The following ATP7B variants were observed in gnomAD, a reference collection of about 807,000 sequenced individuals.
ATP7B encodes the protein copper-transporting ATPase 2.
A neutral mutation model predicts 118.9 loss-of-function variants in ATP7B; 113 were observed. That is an observed-to-expected ratio of 0.95 (90% CI 0.82 to 1.11). The LOEUF is 1.11. Ranked by LOEUF, ATP7B falls within the 50% of genes most tolerant of loss-of-function variation. The probability of loss-of-function intolerance (pLI) is 0.00; values close to 1 mark genes in which losing one functional copy is unlikely to be tolerated. For synonymous variants in ATP7B, 777 were observed against 727.4 expected (o/e 1.07, Z -1.10); for missense variants, 1,867 against 1,871.4 (o/e 1.00, Z 0.04).
chr13:52,003,499 T>A (rs9526821), intron 1 of ATP7B, among the ~76,000 whole-genome samples: 3 of 151,972 alleles, frequency 2.0e-5, no homozygotes, highest in Non-Finnish European at 2.9e-5. Context: ...GTAACAGATA[T>A]AATAATAATG....
chr13:51,935,769 T>G (rs1956922780), intron 19 of ATP7B, 74 bp from the exon 20 acceptor site: 1 of 1,372,436 alleles, frequency 7.3e-7, no homozygotes, highest in Non-Finnish European at 1.0e-6. Context: ...GGCACCGGGC[T>G]GCCCCACCCT....
intron 9 of ATP7B, among the ~76,000 whole-genome samples, chr13:51,955,544 G>A (rs1000017968): frequency 6.6e-6 from 1 of 152,180 alleles, no homozygotes; most frequent in African/African-American, 2.4e-5. Flanking sequence ...GTTATGACAG[G>A]TGCTGCACGC....
chr13:51,960,391 C>T, intron 6 of ATP7B, 69 bp from the exon 7 acceptor site: 1 of 1,558,604 alleles, frequency 6.4e-7, no homozygotes, highest in Non-Finnish European at 8.7e-7. Context: ...AGCCACTCCC[C>T]TTCTGAGGAC....
In ATP7B at chr13:51,933,652, G is replaced by T. The variant is rs779530224; in HGVS notation, c.*1104C>A. 1 of 152,210 alleles carries T rather than the reference G, an allele frequency of 6.6e-6. No individual in the cohort carries two copies. Among genetic ancestry groups the T allele is most frequent in the East Asian group, 1.9e-4 (1 of 5,194 alleles). 9.4% of individuals were successfully genotyped at this position (152,210 alleles called of 1,614,324 possible). On this transcript the variant is annotated 3_prime_UTR_variant, in exon 21 of 21. Coordinates refer to ENST00000242839, the MANE Select transcript of ATP7B (RefSeq NM_000053.4). ...CCCCTGGGCAGCGTGCAGAATGCAGGCTCAGGGAGGCTGTGTTTTCCTCCT... is the reference window on the plus strand; with the variant it reads ...CCCCTGGGCAGCGTGCAGAATGCAGTCTCAGGGAGGCTGTGTTTTCCTCCT...
At chr13:52,007,499 C>T (rs890627901) in intron 1 of ATP7B, among the ~76,000 whole-genome samples, 1 of 152,254 alleles carries the variant, frequency 6.6e-6, no homozygotes, top group African/African-American at 2.4e-5. Flanking sequence ...CAAACTCTAA[C>T]ATCATGTCTT....
At chr13:51,992,341 G>A (rs1359011262) in intron 1 of ATP7B, among the ~76,000 whole-genome samples, 1 of 152,116 alleles carries the variant, frequency 6.6e-6, no homozygotes, top group African/African-American at 2.4e-5. Flanking sequence ...GTGTTCCAAT[G>A]GAAAAGCAAG....
chr13:51,972,539 C>T (rs11839458), intron 2 of ATP7B, among the ~76,000 whole-genome samples: 3,755 of 152,302 alleles, frequency 0.025, 119 homozygotes, highest in Admixed American at 0.09. Context: ...TCACACACCC[C>T]TCTTGGTGAC....
chr13:51,981,719 G>A (rs1207264449), intron 1 of ATP7B, among the ~76,000 whole-genome samples: 1 of 152,058 alleles, frequency 6.6e-6, no homozygotes, highest in African/African-American at 2.4e-5. Flanking sequence ...AGTATACAGG[G>A]GGATAAACGT....
chr13:51,950,298 G>T lies in ATP7B; in HGVS notation c.2549C>A (p.Thr850Asn), dbSNP rs777629392. ...TGTGATGAGGGACTCATCAGCCATGGTATTGCCTTCCAGGACTTTCCCATC... is the reference window on the plus strand; with the variant it reads ...TGTGATGAGGGACTCATCAGCCATGTTATTGCCTTCCAGGACTTTCCCATC... ...PVDGKVLEGN[T>N]MADESLITGE... is the part of the protein sequence containing the mutation. Residue 850 changes from threonine to asparagine, a missense_variant, in exon 10 of 21, where the codon ACC (threonine) becomes AAC (asparagine). Coordinates refer to ENST00000242839, the MANE Select transcript of ATP7B (RefSeq NM_000053.4). 6.2e-7 allele frequency: 1 copy of T among 1,614,142 alleles called. No homozygotes were observed. The highest frequency in any genetic ancestry group is 1.1e-5 in the South Asian group (1 of 91,084).
At chr13:51,994,325 T>G (rs974492416) in intron 1 of ATP7B, among the ~76,000 whole-genome samples, 1 of 152,148 alleles carries the variant, frequency 6.6e-6, no homozygotes, top group African/African-American at 2.4e-5. Flanking sequence ...ATCTATCACC[T>G]CACTTCCCTC....
intron 2 of ATP7B, among the ~76,000 whole-genome samples, chr13:51,971,832 T>C (rs560184293): frequency 1.3e-5 from 2 of 152,356 alleles, no homozygotes; most frequent in Admixed American, 6.5e-5. Flanking sequence ...ACACAAACTT[T>C]ATCTCAGTGA....
Position 51,964,392 on chromosome 13 carries a change from A to G in ATP7B, c.1869+480T>C, listed in dbSNP as rs1593749878. ...ACAAACTGGGAAGGGAGTAAGAGGC[A>G]GGGCACGCATGAAAATTCTCACGGA... On this transcript the variant is annotated intron_variant, in intron 5 of 20. Coordinates refer to ENST00000242839, the MANE Select transcript of ATP7B (RefSeq NM_000053.4). Among the ~76,000 whole-genome samples, 3 of 152,348 alleles carry G rather than the reference A, an allele frequency of 2.0e-5. No homozygotes were observed. The South Asian group carries it at 6.2e-4, about 32-fold the overall frequency.
intron 6 of ATP7B, among the ~76,000 whole-genome samples, chr13:51,960,704 C>T (rs1306974493): frequency 6.6e-6 from 1 of 151,990 alleles, no homozygotes; most frequent in Non-Finnish European, 1.5e-5. Flanking sequence ...TATACAGACC[C>T]CCAAAGAAAA....
chr13:51,960,397 A>G, intron 6 of ATP7B, 75 bp from the exon 7 acceptor site: 4 of 1,551,792 alleles, frequency 2.6e-6, no homozygotes, highest in Middle Eastern at 4.6e-4. Context: ...TCCCCTTCTG[A>G]GGACACAGTT....
intron 8 of ATP7B, 190 bp downstream of exon 8, chr13:51,958,121 C>T: frequency 1.5e-6 from 1 of 656,128 alleles, no homozygotes; most frequent in East Asian, 2.8e-5. Context: ...ACCAGATTAG[C>T]TGGGATTTCA....
chr13:51,960,428 T>C (rs1483997541), intron 6 of ATP7B, 106 bp from the exon 7 acceptor site: 1 of 1,377,270 alleles, frequency 7.3e-7, no homozygotes. Flanking sequence ...CTTTGTCACA[T>C]GTCTGGGACA....
intron 19 of ATP7B, 152 bp from the exon 20 acceptor site, chr13:51,935,847 G>GC (rs1275213064): frequency 3.8e-4 from 251 of 663,920 alleles, no homozygotes; most frequent in South Asian, 6.1e-4. Flanking sequence ...TTGCCCACAG[G>GC]CCCCCCCCAA....
intron 4 of ATP7B, 65 bp from the exon 5 acceptor site, chr13:51,965,098 C>T (rs1342392806): frequency 1.1e-5 from 18 of 1,604,076 alleles, no homozygotes; most frequent in Non-Finnish European, 1.3e-5. Context: ...AAAGCCAGTC[C>T]AGGGAGTCTA....
chr13:51,978,456 C>T (rs545538528), intron 1 of ATP7B, among the ~76,000 whole-genome samples: 2 of 152,270 alleles, frequency 1.3e-5, no homozygotes, highest in South Asian at 4.1e-4. Flanking sequence ...ATTTGCAATA[C>T]CTATTAAAAT....
Sources: gnomAD v4.1 joint callset for allele counts (sites outside exome capture counted in the v4.1 genomes callset) on GRCh38, gnomAD v4.1.1 for gene constraint, MANE v1.5 for transcripts, NCBI Gene and HGNC (gene_info 2026-07-23, HGNC 2026-07-21) for gene names.